The following CWF19L2 variants were observed in gnomAD, a reference collection of about 807,000 sequenced individuals.
CWF19L2 encodes the protein CWF19 like cell cycle control factor 2.
A neutral mutation model predicts 111.7 loss-of-function variants in CWF19L2; 98 were observed. The ratio of observed to expected loss-of-function variants is 0.88; its 90% confidence interval spans 0.75 to 1.04. The LOEUF (loss-of-function observed/expected upper bound fraction) is 1.04, where lower values mean the gene tolerates loss of function less well. Ranked by LOEUF, CWF19L2 falls within the 50% of genes least tolerant of loss-of-function variation. CWF19L2 has a pLI of 0.00. For missense variants in CWF19L2, 1,101 were observed against 1,051.4 expected (o/e 1.05, Z -0.65); for synonymous variants, 351 against 342.9 (o/e 1.02, Z -0.26).
At chr11:107,439,473 A>C (rs1471334289) in intron 5 of CWF19L2, among the ~76,000 whole-genome samples, 1 of 152,230 alleles carries the variant, frequency 6.6e-6, no homozygotes, top group African/African-American at 2.4e-5. Context: ...GAACACAGAC[A>C]ATAAAAACAG....
At chr11:107,396,315 C>A (rs754628631) in intron 10 of CWF19L2, among the ~76,000 whole-genome samples, 6 of 152,192 alleles carry the variant, frequency 3.9e-5, no homozygotes, top group Non-Finnish European at 8.8e-5. Flanking sequence ...TTATCCCCAA[C>A]AATTACAGTT....
At position 107,418,062 on chromosome 11, in the gene CWF19L2, C is replaced by A. The variant is rs143164152; in HGVS notation, c.1527+132G>T. ...GGCATGGTGCCAGGCCTGAGAATTT[C>A]TTTAAGGAATCAATAACCAACAGTT... On this transcript the variant is annotated intron_variant, in intron 9 of 17. Coordinates refer to ENST00000282251, the MANE Select transcript of CWF19L2 (RefSeq NM_152434.3). 2.0e-4 allele frequency: 130 copies of A among 665,156 alleles called. No homozygotes were observed. The African/African-American group carries it at 2.0e-3, about 10-fold the overall frequency. 41.2% of individuals were successfully genotyped at this position (665,156 alleles called of 1,614,324 possible).
At chr11:107,336,063 T>C (rs1859918943) in intron 15 of CWF19L2, among the ~76,000 whole-genome samples, 1 of 152,002 alleles carries the variant, frequency 6.6e-6, no homozygotes. Flanking sequence ...CTACTAAAAA[T>C]ACAAAAAATT....
chr11:107,396,365 A>T (rs1016707287), intron 10 of CWF19L2, among the ~76,000 whole-genome samples: 3 of 152,206 alleles, frequency 2.0e-5, no homozygotes, highest in African/African-American at 7.2e-5. Flanking sequence ...ATCAAAACTG[A>T]TAATTTGTTA....
intron 8 of CWF19L2, among the ~76,000 whole-genome samples, chr11:107,422,345 G>A (rs1228972627): frequency 6.6e-6 from 1 of 152,108 alleles, no homozygotes; most frequent in East Asian, 1.9e-4. Context: ...ATACTTGAGT[G>A]GTCCTAGAAC....
chr11:107,402,873 G>GTGTGTATGTATATATATATATA lies in CWF19L2; in HGVS notation c.1618-9979_1618-9978insTATATATATATATACATACACA, dbSNP rs1247886311. ...CGAGTGGATAAACAAACTGTGGTGTGTATATATATATATATATATATATAT... is the reference window on the plus strand; with the variant it reads ...CGAGTGGATAAACAAACTGTGGTGTGTGTGTATGTATATATATATATATATATATATATATATATATATATAT... On this transcript the variant is annotated intron_variant, in intron 10 of 17. Transcript: ENST00000282251. Among the ~76,000 whole-genome samples the GTGTGTATGTATATATATATATA allele has an allele frequency of 4.2e-5, 4 of 94,462 alleles. No individual in the cohort carries two copies. In the East Asian group the frequency reaches 8.9e-4, roughly 21 times the overall value. The allele number at this position is 94,462 out of a possible 152,430, so 62.0% of individuals were successfully genotyped here. A position where few individuals can be genotyped will look rare whatever the true frequency, so the allele number is the denominator to read the frequency against.
chr11:107,382,327 A>G (rs773670966), intron 12 of CWF19L2, among the ~76,000 whole-genome samples: 19 of 152,234 alleles, frequency 1.2e-4, no homozygotes, highest in Non-Finnish European at 2.4e-4. Context: ...AGTACTGTTT[A>G]ATGTGGACTG....
intron 14 of CWF19L2, among the ~76,000 whole-genome samples, chr11:107,339,301 C>A (rs944049980): frequency 6.6e-6 from 1 of 152,066 alleles, no homozygotes; most frequent in Admixed American, 6.6e-5. Context: ...AACATTTGTG[C>A]ACAGGTTTTT....
intron 12 of CWF19L2, among the ~76,000 whole-genome samples, chr11:107,384,725 G>A (rs946909157): frequency 1.3e-5 from 2 of 152,204 alleles, no homozygotes; most frequent in African/African-American, 4.8e-5. Flanking sequence ...TACAACAGCA[G>A]TGCTGGTAAT....
intron 16 of CWF19L2, among the ~76,000 whole-genome samples, chr11:107,332,309 C>T (rs927887839): frequency 3.9e-5 from 6 of 152,114 alleles, no homozygotes; most frequent in Non-Finnish European, 7.4e-5. Flanking sequence ...CTGCTTTTCT[C>T]GACAGTTACT....
At chr11:107,350,898 G>A (rs1860147777) in intron 13 of CWF19L2, among the ~76,000 whole-genome samples, 1 of 152,120 alleles carries the variant, frequency 6.6e-6, no homozygotes, top group Non-Finnish European at 1.5e-5. Flanking sequence ...CATGTGAGGA[G>A]GATGCATACC....
intron 12 of CWF19L2, among the ~76,000 whole-genome samples, chr11:107,373,630 C>T (rs1208083012): frequency 7.8e-6 from 1 of 128,758 alleles, no homozygotes; most frequent in Non-Finnish European, 1.7e-5. Context: ...ACATCACCAT[C>T]ATCAAAGACC....
chr11:107,328,395 C>CTG (rs1859794621), intron 17 of CWF19L2, among the ~76,000 whole-genome samples: 1 of 152,096 alleles, frequency 6.6e-6, no homozygotes, highest in Non-Finnish European at 1.5e-5. Context: ...TTACATCTAC[C>CTG]ATATAAGCTT....
At chr11:107,421,255 A>G (rs148334295) in intron 8 of CWF19L2, among the ~76,000 whole-genome samples, 1 of 152,200 alleles carries the variant, frequency 6.6e-6, no homozygotes, top group African/African-American at 2.4e-5. Flanking sequence ...AACTGATGGA[A>G]TGCTGCTAAT....
chr11:107,401,359 G>A (rs1860996688), intron 10 of CWF19L2, among the ~76,000 whole-genome samples: 1 of 152,106 alleles, frequency 6.6e-6, no homozygotes, highest in African/African-American at 2.4e-5. Context: ...ATAAAAGAAT[G>A]CAGCAAAGTT....
In CWF19L2 at chr11:107,342,325, TATTTA is replaced by T. The variant is rs557788653; in HGVS notation, c.2203-5617_2203-5613del. Among the ~76,000 whole-genome samples the T allele has an allele frequency of 2.2e-4, 34 of 152,222 alleles. No homozygotes were observed. The East Asian group carries it at 2.7e-3, about 12-fold the overall frequency. ...TGAATAATACACTATTGAAGTGTATTATTTAATTTAACATGTTGTAATTTCATTGT... is the reference window on the plus strand; with the variant it reads ...TGAATAATACACTATTGAAGTGTATTATTTAACATGTTGTAATTTCATTGT... On this transcript the variant is annotated intron_variant, in intron 14 of 17. Transcript: ENST00000282251.
chr11:107,328,130 T>C (rs967931404), intron 17 of CWF19L2, among the ~76,000 whole-genome samples: 1 of 99,904 alleles, frequency 1.0e-5, no homozygotes. Context: ...AGACCATTTG[T>C]GGAGACTCAA....
intron 13 of CWF19L2, among the ~76,000 whole-genome samples, chr11:107,352,559 A>G (rs1860172215): frequency 6.6e-6 from 1 of 152,230 alleles, no homozygotes; most frequent in African/African-American, 2.4e-5. Context: ...TTTAAGTTAT[A>G]ACCATGTTGT....
chr11:107,337,534 C>G (rs916599536), intron 14 of CWF19L2, among the ~76,000 whole-genome samples: 2 of 151,990 alleles, frequency 1.3e-5, no homozygotes. Context: ...AGCTAGGGAT[C>G]GAAAGAAAGG....
Sources: gnomAD v4.1 joint callset for allele counts (sites outside exome capture counted in the v4.1 genomes callset) on GRCh38, gnomAD v4.1.1 for gene constraint, MANE v1.5 for transcripts, NCBI Gene and HGNC (gene_info 2026-07-23, HGNC 2026-07-21) for gene names.